The following CTDP1 variants were observed in gnomAD, a reference collection of about 807,000 sequenced individuals.
The protein encoded by CTDP1 is CTD phosphatase 1, also known as RNA polymerase II subunit A C-terminal domain phosphatase.
In CTDP1, 47 loss-of-function variants were observed where a neutral mutation model predicts 91.8. That is an observed-to-expected ratio of 0.51 (90% confidence interval 0.41 to 0.65). The LOEUF is 0.65. Among genes scored for constraint, CTDP1 ranks in the 30% least tolerant of loss-of-function variants. CTDP1 has a pLI of 0.00. For missense variants in CTDP1, 1,272 were observed against 1,373.7 expected, an observed-to-expected ratio of 0.93 and a Z score of 1.17; for synonymous variants, 656 against 598.5, an observed-to-expected ratio of 1.10 and a Z score of -1.40.
In CTDP1 at chr18:79,714,764, TG is replaced by T. The variant is rs2122630280; in HGVS notation, c.1306del (p.Ala436HisfsTer204). 7 of 1,600,716 alleles carry T rather than the reference TG, an allele frequency of 4.4e-6. No homozygotes were observed. Among genetic ancestry groups the T allele is most frequent in the Non-Finnish European group, 6.0e-6 (7 of 1,174,908 alleles). On this transcript the variant is annotated frameshift_variant, in exon 8 of 13. Coordinates refer to ENST00000613122, the MANE Select transcript of CTDP1 (RefSeq NM_004715.5). LOFTEE classifies it high-confidence loss of function. ...GGATCCTGTGCGCAGGGTGGCCGGGTGGCACCGGGACAGCGGCCTGCCCAGG... is the reference window on the plus strand; with the variant it reads ...GGATCCTGTGCGCAGGGTGGCCGGGTGCACCGGGACAGCGGCCTGCCCAGG... ...PQGSCAQGGR[V>X]APGQRPAQGA...
chr18:79,689,370 C>G (rs1438558299), intron 1 of CTDP1, among the ~76,000 whole-genome samples: 2 of 152,154 alleles, frequency 1.3e-5, no homozygotes, highest in East Asian at 3.8e-4. Flanking sequence ...CCAAGCTGAC[C>G]CACATTTTGG....
At chr18:79,729,514 G>A (rs115186724) in intron 11 of CTDP1, among the ~76,000 whole-genome samples, 1,981 of 152,328 alleles carry the variant, frequency 0.013, 48 homozygotes, top group African/African-American at 0.045. Context: ...TGTTGCACGT[G>A]GGCCTTAAAC....
intron 11 of CTDP1, among the ~76,000 whole-genome samples, chr18:79,731,109 G>C (rs1431765400): frequency 6.6e-6 from 1 of 152,198 alleles, no homozygotes; most frequent in Non-Finnish European, 1.5e-5. Context: ...CTGCCCCCGG[G>C]TGCTCCCTGG....
chr18:79,681,626 C>A, intron 1 of CTDP1: 1 of 295,746 alleles, frequency 3.4e-6, no homozygotes, highest in Non-Finnish European at 5.0e-6. Context: ...AGGTCATGAG[C>A]TTGATGACGG....
chr18:79,748,100 T>G (rs553411168), intron 12 of CTDP1, among the ~76,000 whole-genome samples: 1 of 152,326 alleles, frequency 6.6e-6, no homozygotes, highest in East Asian at 1.9e-4. Context: ...GTGCAGCTGG[T>G]TGTATGAACA....
intron 5 of CTDP1, among the ~76,000 whole-genome samples, chr18:79,706,007 C>T (rs919864357): frequency 6.6e-6 from 1 of 152,200 alleles, no homozygotes. Flanking sequence ...CTGCTATGAT[C>T]TGAGGGTTTT....
At chr18:79,686,195 GT>G (rs1266579730) in intron 1 of CTDP1, among the ~76,000 whole-genome samples, 3 of 152,176 alleles carry the variant, frequency 2.0e-5, no homozygotes, top group Middle Eastern at 3.4e-3. Flanking sequence ...TGGTTTGTAG[GT>G]TTCAGAAATT....
At position 79,742,825 on chromosome 18, in the gene CTDP1, G is replaced by C. The variant is rs1026461472; in HGVS notation, c.2747+6304G>C. Among the ~76,000 whole-genome samples, 9 of 152,166 alleles carry C rather than the reference G, an allele frequency of 5.9e-5. No homozygotes were observed. In the South Asian group the frequency reaches 1.9e-3, roughly 32 times the overall value. ...ATACAAAAATTAGCTGGGCATGGTG[G>C]TGCACGCCTGTAATTTCAGCTACTC... On this transcript the variant is annotated intron_variant, in intron 12 of 12. Coordinates refer to ENST00000613122, the MANE Select transcript of CTDP1 (RefSeq NM_004715.5).
At chr18:79,688,448 A>G (rs2085552877) in intron 1 of CTDP1, among the ~76,000 whole-genome samples, 1 of 152,182 alleles carries the variant, frequency 6.6e-6, no homozygotes, top group Non-Finnish European at 1.5e-5. Context: ...TATTTTTAGT[A>G]GAGACAGGGT....
intron 10 of CTDP1, 109 bp from the exon 11 acceptor site, chr18:79,728,798 T>C: frequency 1.0e-6 from 1 of 1,002,828 alleles, no homozygotes; most frequent in Non-Finnish European, 1.4e-6. Context: ...TGTTCCCTGT[T>C]GGGGTGTGTG....
chr18:79,715,216 G>A lies in CTDP1; in HGVS notation c.1756G>A (p.Glu586Lys), dbSNP rs1377485023. 2 of 1,611,318 alleles carry A rather than the reference G, an allele frequency of 1.2e-6. No individual in the cohort carries two copies. Among genetic ancestry groups the A allele is most frequent in the East Asian group, 4.5e-5 (2 of 44,758 alleles). Reference protein sequence around the residue: ...MEEEEEEDTDEDDHLIYLEEI... With the variant: ...MEEEEEEDTDKDDHLIYLEEI... ...GGAGGAGGAGGAGGAGGACACGGAT[G>A]AGGATGACCACCTCATCTACCTGGA... The change falls in exon 8 of 13, where the codon GAG becomes AAG. Residue 586 changes from glutamate (E) to lysine (K), a missense_variant. By Grantham distance (56) the Glu-to-Lys change is moderately conservative. Coordinates refer to ENST00000613122, the MANE Select transcript of CTDP1 (RefSeq NM_004715.5).
intron 11 of CTDP1, among the ~76,000 whole-genome samples, chr18:79,734,029 C>T (rs184031735): frequency 2.6e-5 from 4 of 152,294 alleles, no homozygotes; most frequent in East Asian, 1.9e-4. Context: ...TACAATAGTT[C>T]GCTTAACAAT....
chr18:79,679,477 G>T, upstream of CTDP1: 1 of 456,658 alleles, frequency 2.2e-6, no homozygotes, highest in South Asian at 1.5e-5. Flanking sequence ...AGCGCGTGAT[G>T]GGGTAATGGC....
intron 11 of CTDP1, among the ~76,000 whole-genome samples, chr18:79,732,288 A>G (rs772580498): frequency 2.0e-5 from 3 of 151,184 alleles, no homozygotes; most frequent in East Asian, 2.0e-4. Flanking sequence ...ACTCGCTAAC[A>G]TCAGGAGTGC....
At position 79,692,703 on chromosome 18, in the gene CTDP1, G is replaced by T. The variant is rs557027821; in HGVS notation, c.315-2522G>T. 2.6e-5 allele frequency among the ~76,000 whole-genome samples: 4 copies of T among 152,220 alleles called. No individual in the cohort carries two copies. The East Asian group carries it at 7.7e-4, about 29-fold the overall frequency. ...AGAGCGAGGAGCCCGCCGTGAGCTG[G>T]TGTCCTGCGTGGGGCAGAGGGTAGA... On this transcript the variant is annotated intron_variant, in intron 1 of 12. Coordinates refer to ENST00000613122, the MANE Select transcript of CTDP1 (RefSeq NM_004715.5).
At chr18:79,741,733 A>C (rs531557875) in intron 12 of CTDP1, among the ~76,000 whole-genome samples, 1 of 152,308 alleles carries the variant, frequency 6.6e-6, no homozygotes, top group Admixed American at 6.5e-5. Context: ...GGTCCTTCTG[A>C]GGTTCACCTC....
At chr18:79,739,571 G>C (rs887105097) in intron 12 of CTDP1, among the ~76,000 whole-genome samples, 5 of 152,180 alleles carry the variant, frequency 3.3e-5, no homozygotes, top group Non-Finnish European at 2.9e-5. Flanking sequence ...CTTCCATGCT[G>C]CCCTCCCAGC....
At chr18:79,735,771 C>T (rs188111231) in intron 11 of CTDP1, 133 of 159,396 alleles carry the variant, frequency 8.3e-4, no homozygotes, top group Middle Eastern at 3.4e-3. Context: ...CTCCCGTCCG[C>T]GTCACACGTG....
chr18:79,739,337 G>A lies in CTDP1; in HGVS notation c.2747+2816G>A, dbSNP rs377470892. 2.8e-4 allele frequency among the ~76,000 whole-genome samples: 43 copies of A among 152,290 alleles called. No homozygotes were observed. The South Asian group carries it at 7.9e-3, about 28-fold the overall frequency. ...TGGGCAACTGGATGTGGCGCTCAGC[G>A]GGTCGGGACCCAGAGCTGCTGAAGA... On this transcript the variant is annotated intron_variant, in intron 12 of 12. Coordinates refer to ENST00000613122, the MANE Select transcript of CTDP1 (RefSeq NM_004715.5).
Sources: gnomAD v4.1 joint callset for allele counts (sites outside exome capture counted in the v4.1 genomes callset) on GRCh38, gnomAD v4.1.1 for gene constraint, MANE v1.5 for transcripts, NCBI Gene and HGNC (gene_info 2026-07-23, HGNC 2026-07-21) for gene names.